The following STPG2 variants were observed in gnomAD, a reference collection of about 807,000 sequenced individuals.
STPG2 encodes the protein sperm-tail PG-rich repeat-containing protein 2.
STPG2 carries 56 observed loss-of-function variants against 54.2 expected under a neutral mutation model. The ratio of observed to expected loss-of-function variants is 1.03; its 90% confidence interval spans 0.83 to 1.29. The LOEUF is 1.29. Among genes scored for constraint, STPG2 ranks in the 50% most tolerant of loss-of-function variants. STPG2 has a pLI of 0.00. For missense variants in STPG2, 596 were observed against 544.9 expected, an observed-to-expected ratio of 1.09 and a Z score of -0.93; for synonymous variants, 200 against 181.8, an observed-to-expected ratio of 1.10 and a Z score of -0.81.
chr4:97,599,966 C>T (rs150200843), intron 10 of STPG2, among the ~76,000 whole-genome samples: 47 of 152,212 alleles, frequency 3.1e-4, no homozygotes, highest in African/African-American at 1.1e-3. Flanking sequence ...AGGCCATTAT[C>T]CTAAATGAAC....
At chr4:97,537,236 C>T (rs556388936) in intron 4 of STPG2, among the ~76,000 whole-genome samples, 2 of 152,266 alleles carry the variant, frequency 1.3e-5, no homozygotes, top group South Asian at 4.1e-4. Flanking sequence ...TGAGCCAAAA[C>T]AGGACGAGGC....
chr4:97,492,658 T>C (rs973193872), intron 4 of STPG2, among the ~76,000 whole-genome samples: 6 of 148,708 alleles, frequency 4.0e-5, no homozygotes, highest in Admixed American at 3.3e-4. Flanking sequence ...TTTTTTTTTC[T>C]ATATTTGTGA....
chr4:97,469,788 C>T (rs1729877807), intron 4 of STPG2, among the ~76,000 whole-genome samples: 1 of 151,798 alleles, frequency 6.6e-6, no homozygotes, highest in East Asian at 1.9e-4. Flanking sequence ...GAAACTAAAA[C>T]ATAGAGGCAG....
chr4:97,607,188 G>A (rs1251232153), intron 10 of STPG2, among the ~76,000 whole-genome samples: 4 of 151,878 alleles, frequency 2.6e-5, no homozygotes, highest in Admixed American at 2.0e-4. Flanking sequence ...CAATAAAAAT[G>A]GTAAAATCAG....
At chr4:97,661,702 T>A (rs1185211080) in intron 10 of STPG2, among the ~76,000 whole-genome samples, 2 of 151,280 alleles carry the variant, frequency 1.3e-5, no homozygotes, top group Non-Finnish European at 2.9e-5. Context: ...AGAAAAGTCA[T>A]ATTAATAGGG....
chr4:97,602,905 A>G (rs1733500769), intron 10 of STPG2, among the ~76,000 whole-genome samples: 2 of 151,750 alleles, frequency 1.3e-5, no homozygotes, highest in African/African-American at 2.4e-5. Context: ...ATAGAAATAC[A>G]TAACATCATC....
intron 5 of STPG2, among the ~76,000 whole-genome samples, chr4:98,038,744 A>G (rs1050517869): frequency 6.6e-6 from 1 of 152,102 alleles, no homozygotes; most frequent in Non-Finnish European, 1.5e-5. Flanking sequence ...CCATGAACAA[A>G]GTAAAACGAA....
intron 5 of STPG2, among the ~76,000 whole-genome samples, chr4:98,089,045 T>C (rs1434084849): frequency 3.3e-5 from 5 of 152,278 alleles, no homozygotes; most frequent in Admixed American, 3.3e-4. Flanking sequence ...TTCTTCATTC[T>C]AATCCTGCCA....
At chr4:97,526,199 A>C (rs1222945769) in intron 4 of STPG2, among the ~76,000 whole-genome samples, 2 of 152,042 alleles carry the variant, frequency 1.3e-5, no homozygotes, top group Non-Finnish European at 2.9e-5. Context: ...AAAACTAGAG[A>C]GGTAAGGGAG....
rs556627747 is a variant in STPG2, at chr4:98,037,131, T to C, written c.613-55813A>G. On this transcript the variant is annotated intron_variant, in intron 5 of 10. Coordinates refer to ENST00000295268, the MANE Select transcript of STPG2 (RefSeq NM_174952.3). ...AATTCTTCAAGGAAGAAAATTTCCCTATTTGTGCTAACTTTTCCAATGAGT... is the reference window on the plus strand; with the variant it reads ...AATTCTTCAAGGAAGAAAATTTCCCCATTTGTGCTAACTTTTCCAATGAGT... 9.5e-4 allele frequency among the ~76,000 whole-genome samples: 145 copies of C among 152,160 alleles called. 5 individuals carry two copies. The South Asian group carries it at 0.029, about 31-fold the overall frequency.
chr4:97,878,420 A>G (rs1271593068), intron 8 of STPG2, among the ~76,000 whole-genome samples: 1 of 152,162 alleles, frequency 6.6e-6, no homozygotes, highest in African/African-American at 2.4e-5. Flanking sequence ...ACATTCAGGA[A>G]TTTCTATACA....
At chr4:98,013,169 G>T (rs1360701214) in intron 5 of STPG2, among the ~76,000 whole-genome samples, 1 of 152,144 alleles carries the variant, frequency 6.6e-6, no homozygotes, top group Non-Finnish European at 1.5e-5. Context: ...AAGGGATATT[G>T]GATTTTATTG....
At chr4:97,822,905 C>A (rs1728132870) in intron 9 of STPG2, among the ~76,000 whole-genome samples, 1 of 152,164 alleles carries the variant, frequency 6.6e-6, no homozygotes, top group Non-Finnish European at 1.5e-5. Context: ...AAATAACAAA[C>A]CAGCCACAAC....
intron 4 of STPG2, among the ~76,000 whole-genome samples, chr4:97,465,721 AC>A (rs2148811508): frequency 6.6e-6 from 1 of 152,220 alleles, no homozygotes; most frequent in African/African-American, 2.4e-5. Context: ...TACTTATAAT[AC>A]CTAATACAAT....
intron 2 of STPG2, among the ~76,000 whole-genome samples, chr4:98,129,335 C>T (rs1458034568): frequency 2.0e-5 from 3 of 152,124 alleles, no homozygotes; most frequent in Non-Finnish European, 4.4e-5. Flanking sequence ...TCATTCCTTC[C>T]CAGCTCCTGA....
intron 8 of STPG2, among the ~76,000 whole-genome samples, chr4:97,926,399 C>A (rs1017953969): frequency 1.3e-5 from 2 of 152,264 alleles, no homozygotes; most frequent in Admixed American, 6.5e-5. Flanking sequence ...GAAGGGCTCT[C>A]TCTTTCATTT....
At chr4:97,456,046 T>C (rs1160763315) in intron 4 of STPG2, among the ~76,000 whole-genome samples, 1 of 152,170 alleles carries the variant, frequency 6.6e-6, no homozygotes, top group African/African-American at 2.4e-5. Context: ...TGAATTTCAC[T>C]AAAATTAAAA....
chr4:97,863,273 C>G (rs1036250590), intron 8 of STPG2, among the ~76,000 whole-genome samples: 2 of 151,998 alleles, frequency 1.3e-5, no homozygotes, highest in Non-Finnish European at 2.9e-5. Flanking sequence ...ATATCACCAC[C>G]GATCCCACAG....
chr4:98,000,079 T>C (rs1202863981), intron 5 of STPG2, among the ~76,000 whole-genome samples: 2 of 152,182 alleles, frequency 1.3e-5, no homozygotes, highest in Admixed American at 6.5e-5. Context: ...CTGTGGATCA[T>C]TCTACTCTTT....
Sources: allele counts gnomAD v4.1 joint callset (sites outside exome capture counted in the v4.1 genomes callset), GRCh38; gene constraint gnomAD v4.1.1; transcripts MANE v1.5; gene names NCBI Gene and HGNC (gene_info 2026-07-23, HGNC 2026-07-21).